The following SLCO1A2 variants were observed in gnomAD, a reference collection of about 807,000 sequenced individuals.
The protein encoded by SLCO1A2 is OATP-1.
In SLCO1A2, 67 loss-of-function variants were observed where a neutral mutation model predicts 69.0. The observed-to-expected ratio is 0.97, with a 90% CI of 0.80 to 1.19. The LOEUF (loss-of-function observed/expected upper bound fraction) is 1.19, where lower values mean the gene tolerates loss of function less well. Among genes scored for constraint, SLCO1A2 ranks in the 50% most tolerant of loss-of-function variants. The pLI is 0.00. For missense variants in SLCO1A2, 787 were observed against 793.7 expected (o/e 0.99, Z 0.10); for synonymous variants, 260 against 265.9 (o/e 0.98, Z 0.22).
intron 6 of SLCO1A2, among the ~76,000 whole-genome samples, chr12:21,302,317 G>A (rs1241974809): frequency 6.6e-6 from 1 of 151,972 alleles, no homozygotes; most frequent in Non-Finnish European, 1.5e-5. Context: ...AGCTTTCTAG[G>A]TTATTTGACA....
intron 8 of SLCO1A2, among the ~76,000 whole-genome samples, chr12:21,299,400 T>C (rs1313969680): frequency 6.6e-6 from 1 of 152,040 alleles, no homozygotes; most frequent in Non-Finnish European, 1.5e-5. Context: ...AATTTACCCT[T>C]TCATTTGCTG....
chr12:21,395,777 C>A (rs532256336), upstream of SLCO1A2, among the ~76,000 whole-genome samples: 3 of 152,098 alleles, frequency 2.0e-5, no homozygotes, highest in East Asian at 1.9e-4. Context: ...ACACCTCAAA[C>A]GGCAGGGTAC....
chr12:21,339,702 G>A (rs1420394384), upstream of SLCO1A2, among the ~76,000 whole-genome samples: 1 of 151,862 alleles, frequency 6.6e-6, no homozygotes, highest in Non-Finnish European at 1.5e-5. Context: ...ATCAGAAAAG[G>A]GAAGGGCTGA....
intron 12 of SLCO1A2, among the ~76,000 whole-genome samples, chr12:21,277,177 C>T (rs1276697589): frequency 1.3e-5 from 2 of 152,080 alleles, no homozygotes; most frequent in Non-Finnish European, 2.9e-5. Flanking sequence ...GTAAAGAGGA[C>T]TTTGTCTTGC....
intron 12 of SLCO1A2, among the ~76,000 whole-genome samples, chr12:21,277,172 G>C (rs1944011923): frequency 2.0e-5 from 3 of 152,114 alleles, no homozygotes; most frequent in African/African-American, 7.2e-5. Context: ...AATGAGTAAA[G>C]AGGACTTTGT....
intron 2 of SLCO1A2, among the ~76,000 whole-genome samples, chr12:21,363,951 C>T (rs904588600): frequency 2.6e-5 from 4 of 152,120 alleles, no homozygotes; most frequent in Admixed American, 6.5e-5. Context: ...GATTCACAGC[C>T]GAATTCTACC....
Position 21,292,252 on chromosome 12 carries a change from AG to A in SLCO1A2, c.1521del (p.Leu508Ter). ...AAGATTAGGAAGTACTGGAGCATCA[AG>A]GAACAGTCAGGTCCTTTGTCGCACA... ...LGLCDKGPDCSLMLQYFLILS... is the reference protein window; with the variant it reads ...LGLCDKGPDCXLMLQYFLILS... On this transcript the variant is annotated frameshift_variant, in exon 12 of 15. Coordinates refer to ENST00000683939, the MANE Select transcript of SLCO1A2 (RefSeq NM_001386879.1). LOFTEE classifies it high-confidence loss of function. 2 of 1,613,274 alleles carry A rather than the reference AG, an allele frequency of 1.2e-6. No individual in the cohort carries two copies. Among genetic ancestry groups the A allele is most frequent in the Non-Finnish European group, 1.7e-6 (2 of 1,179,392 alleles).
rs1465177279 is a variant in SLCO1A2 at position 21,265,588 on chromosome 12, G to T, written c.*3960C>A. 1 of 152,092 alleles carries T rather than the reference G, an allele frequency of 6.6e-6. No individual in the cohort carries two copies. Among genetic ancestry groups the T allele is most frequent in the African/African-American group, 2.4e-5 (1 of 41,424 alleles). 9.4% of individuals were successfully genotyped at this position (152,092 alleles called of 1,614,324 possible). A position where few individuals can be genotyped will look rare whatever the true frequency, so the allele number is the denominator to read the frequency against. On this transcript the variant is annotated 3_prime_UTR_variant, in exon 15 of 15. Coordinates refer to ENST00000683939, the MANE Select transcript of SLCO1A2 (RefSeq NM_001386879.1). ...GGTGTAGTTTCTCCATGTTGGGAAG[G>T]CTTAGGGGTTGGGAACTTGGCACAG... is the stretch of plus-strand genomic sequence containing the variant.
At chr12:21,336,567 T>C (rs1952898187), upstream of SLCO1A2, among the ~76,000 whole-genome samples, 1 of 152,044 alleles carries the variant, frequency 6.6e-6, no homozygotes, top group Non-Finnish European at 1.5e-5. Context: ...CTTTCCCTAG[T>C]TTTCCAACTT....
rs3764044 is a variant in SLCO1A2 at position 21,275,437 on chromosome 12, T to A, written c.1611-13A>T. 1 of 1,437,586 alleles carries A rather than the reference T, an allele frequency of 7.0e-7. No individual in the cohort carries two copies. Among genetic ancestry groups the A allele is most frequent in the Non-Finnish European group, 9.3e-7 (1 of 1,077,014 alleles). 89.1% of individuals were successfully genotyped at this position (1,437,586 alleles called of 1,614,324 possible). Reference sequence around the variant, plus strand: ...AGATTTCATACACCTGAAAAGTAAATAAGTTTGTAAATAAAAGAAAAATAA... The same window carrying A: ...AGATTTCATACACCTGAAAAGTAAAAAAGTTTGTAAATAAAAGAAAAATAA... On this transcript the variant is annotated splice_polypyrimidine_tract_variant and intron_variant, in intron 12 of 14. Transcript: ENST00000683939.
intron 2 of SLCO1A2, among the ~76,000 whole-genome samples, chr12:21,324,247 G>T (rs1214393424): frequency 6.6e-6 from 1 of 152,114 alleles, no homozygotes; most frequent in African/African-American, 2.4e-5. Context: ...AAAAGTCAGG[G>T]CTGAAATCCA....
At chr12:21,343,397 A>G (rs1953137981) in intron 2 of SLCO1A2, among the ~76,000 whole-genome samples, 1 of 152,106 alleles carries the variant, frequency 6.6e-6, no homozygotes, top group African/African-American at 2.4e-5. Context: ...GTTTGTTCTT[A>G]TTGCTTATAT....
chr12:21,337,183 A>G (rs1952919611), upstream of SLCO1A2, among the ~76,000 whole-genome samples: 1 of 152,022 alleles, frequency 6.6e-6, no homozygotes, highest in South Asian at 2.1e-4. Flanking sequence ...GAACTTGTTC[A>G]TCTTGCATGA....
chr12:21,305,937 A>G (rs1949325253), intron 5 of SLCO1A2, among the ~76,000 whole-genome samples: 1 of 152,232 alleles, frequency 6.6e-6, no homozygotes, highest in Admixed American at 6.5e-5. Flanking sequence ...GACCAAGTAT[A>G]ACCAGAAGAT....
intron 12 of SLCO1A2, among the ~76,000 whole-genome samples, chr12:21,284,301 C>T (rs1945335862): frequency 6.6e-6 from 1 of 152,128 alleles, no homozygotes; most frequent in South Asian, 2.1e-4. Context: ...TCCACAGCTC[C>T]CAGTGTGAGC....
chr12:21,308,268 AAAAAT>A (rs1308886116), intron 4 of SLCO1A2, among the ~76,000 whole-genome samples: 1 of 152,216 alleles, frequency 6.6e-6, no homozygotes. Flanking sequence ...CAAGGATAAA[AAAAAT>A]AGGGAATTTT....
chr12:21,346,780 A>G (rs1303586039), intron 2 of SLCO1A2, among the ~76,000 whole-genome samples: 1 of 152,176 alleles, frequency 6.6e-6, no homozygotes, highest in Non-Finnish European at 1.5e-5. Context: ...CACACTTCCC[A>G]TGTACTTCAT....
chr12:21,335,520 A>C (rs759610482), upstream of SLCO1A2, among the ~76,000 whole-genome samples: 4 of 152,054 alleles, frequency 2.6e-5, no homozygotes, highest in Non-Finnish European at 5.9e-5. Flanking sequence ...TTTGTTTTAC[A>C]TCTTGAAACT....
intron 1 of SLCO1A2, among the ~76,000 whole-genome samples, chr12:21,385,207 C>T (rs1282064723): frequency 6.6e-6 from 1 of 152,206 alleles, no homozygotes; most frequent in African/African-American, 2.4e-5. Flanking sequence ...TGTGGTCCCA[C>T]ATACAGCTAT....
Sources: allele counts gnomAD v4.1 joint callset (sites outside exome capture counted in the v4.1 genomes callset), GRCh38; gene constraint gnomAD v4.1.1; transcripts MANE v1.5; gene names NCBI Gene and HGNC (gene_info 2026-07-23, HGNC 2026-07-21).